Variants in SLC35F4 observed in about 807,000 individuals in gnomAD.
SLC35F4 encodes the protein chromosome 14 open reading frame 36.
In SLC35F4, 24 loss-of-function variants were observed where a neutral mutation model predicts 44.2. The ratio of observed to expected loss-of-function variants is 0.54; its 90% CI spans 0.39 to 0.76. SLC35F4 has a LOEUF of 0.76. Among genes scored for constraint, SLC35F4 ranks in the 30% least tolerant of loss-of-function variants. SLC35F4 has a pLI of 0.00. For missense variants in SLC35F4, 562 were observed against 586.1 expected (o/e 0.96, Z 0.42); for synonymous variants, 238 against 223.6 (o/e 1.06, Z -0.57).
At chr14:57,711,069 T>G (rs1191697797) in intron 1 of SLC35F4, among the ~76,000 whole-genome samples, 1 of 152,034 alleles carries the variant, frequency 6.6e-6, no homozygotes, top group Non-Finnish European at 1.5e-5. Context: ...TCATCTTGAA[T>G]TTTAGTTCCC....
In SLC35F4 at chr14:57,951,749, G is replaced by A. The variant is rs28882710; in HGVS notation, n.282+30164C>T. ...TGCCTCTCTAGATTTCTCCTTTCTC[G>A]GCAGGGCATCTCTAAAAGAAAGGCA... is the stretch of plus-strand genomic sequence containing the variant. On this transcript the variant is annotated intron_variant and non_coding_transcript_variant, in intron 1 of 1. Coordinates refer to the SLC35F4 transcript ENST00000556568. Among the ~76,000 whole-genome samples the A allele has an allele frequency of 2.2e-3, 341 of 152,232 alleles. 3 individuals carry two copies. The highest frequency in any genetic ancestry group is 7.9e-3 in the African/African-American group (329 of 41,528).
chr14:57,767,406 CAT>C (rs1488309639), intron 1 of SLC35F4, among the ~76,000 whole-genome samples: 2 of 152,070 alleles, frequency 1.3e-5, no homozygotes. Context: ...AAGAAAATGA[CAT>C]AATCTCTAAA....
chr14:57,962,806 C>G (rs1666337004), intron 1 of SLC35F4, among the ~76,000 whole-genome samples: 1 of 152,222 alleles, frequency 6.6e-6, no homozygotes, highest in Admixed American at 6.5e-5. Context: ...GCTCTCCCTC[C>G]CTGCTGCTGC....
At chr14:57,641,763 A>G (rs930077794) in intron 1 of SLC35F4, among the ~76,000 whole-genome samples, 1 of 152,050 alleles carries the variant, frequency 6.6e-6, no homozygotes, top group Non-Finnish European at 1.5e-5. Context: ...ATTACCTAGA[A>G]TACTTTGTAT....
At chr14:57,762,001 G>A (rs1236859795) in intron 1 of SLC35F4, among the ~76,000 whole-genome samples, 1 of 152,174 alleles carries the variant, frequency 6.6e-6, no homozygotes, top group Non-Finnish European at 1.5e-5. Context: ...AATTTGGGAG[G>A]TTAGAGCTAC....
intron 1 of SLC35F4, among the ~76,000 whole-genome samples, chr14:57,792,740 G>A (rs990005060): frequency 3.9e-5 from 6 of 152,046 alleles, no homozygotes. Flanking sequence ...GGACACAAAG[G>A]CATAAGAATG....
chr14:57,608,703 G>A (rs1056555116), intron 1 of SLC35F4, among the ~76,000 whole-genome samples: 2 of 148,278 alleles, frequency 1.3e-5, no homozygotes, highest in African/African-American at 2.5e-5. Flanking sequence ...GAGAACTGCA[G>A]ATAACAAGGG....
chr14:57,639,257 T>C (rs1352422070), intron 1 of SLC35F4, among the ~76,000 whole-genome samples: 3 of 152,234 alleles, frequency 2.0e-5, no homozygotes, highest in Non-Finnish European at 4.4e-5. Context: ...CACTGCCTGT[T>C]TCTTGCCCTA....
intron 1 of SLC35F4, among the ~76,000 whole-genome samples, chr14:57,735,454 C>T (rs2076439359): frequency 6.6e-6 from 1 of 152,108 alleles, no homozygotes; most frequent in Non-Finnish European, 1.5e-5. Context: ...TTGGCAGGGC[C>T]AGAAGGTTCC....
intron 1 of SLC35F4, among the ~76,000 whole-genome samples, chr14:57,935,338 AGAG>A (rs1889777417): frequency 6.6e-6 from 1 of 152,214 alleles, no homozygotes; most frequent in Non-Finnish European, 1.5e-5. Flanking sequence ...CCTAACAGTA[AGAG>A]GTTCTTTGAA....
intron 1 of SLC35F4, among the ~76,000 whole-genome samples, chr14:57,767,285 T>G (rs2077258451): frequency 6.6e-6 from 1 of 152,204 alleles, no homozygotes; most frequent in South Asian, 2.1e-4. Flanking sequence ...CAGATTTCAG[T>G]TCTTTAAATT....
rs560429531 is a variant in SLC35F4, at chr14:57,795,457, C to T, written c.103+70266G>A. Among the ~76,000 whole-genome samples, 5 of 152,212 alleles carry T rather than the reference C, an allele frequency of 3.3e-5. No individual in the cohort carries two copies. The South Asian group carries it at 8.3e-4, about 25-fold the overall frequency. On this transcript the variant is annotated intron_variant, in intron 1 of 7. Coordinates refer to ENST00000556826, the MANE Select transcript of SLC35F4 (RefSeq NM_001306087.2). ...CACCCAACAACCTAACTGAACATAT[C>T]GAAGTCATCAGAATTTCTGGCCAAC... is the stretch of plus-strand genomic sequence containing the variant.
chr14:57,865,260 G>A (rs1359484316), intron 1 of SLC35F4, among the ~76,000 whole-genome samples: 1 of 152,064 alleles, frequency 6.6e-6, no homozygotes, highest in African/African-American at 2.4e-5. Context: ...CCCACGTCTG[G>A]GTCGGCCGCC....
At position 57,669,804 on chromosome 14, in the gene SLC35F4, G is replaced by T. The variant is rs1229134542; in HGVS notation, c.104-75680C>A. On this transcript the variant is annotated intron_variant, in intron 1 of 7. Coordinates refer to ENST00000556826, the MANE Select transcript of SLC35F4 (RefSeq NM_001306087.2). ...GGTCTAAAATTCTCTTTTTTGTTGT[G>T]TCTCTGCCAGGCTTTGGTATCAGGA... 2.6e-5 allele frequency among the ~76,000 whole-genome samples: 4 copies of T among 151,998 alleles called. No individual in the cohort carries two copies. In the South Asian group the frequency reaches 8.3e-4, roughly 31 times the overall value.
chr14:57,677,837 G>C (rs1227097868), intron 1 of SLC35F4, among the ~76,000 whole-genome samples: 1 of 151,906 alleles, frequency 6.6e-6, no homozygotes, highest in Admixed American at 6.6e-5. Context: ...TGAAAAATGG[G>C]CAAGGGTCAT....
chr14:57,890,671 T>C (rs1343090867), intron 1 of SLC35F4, among the ~76,000 whole-genome samples: 2 of 152,166 alleles, frequency 1.3e-5, no homozygotes, highest in Non-Finnish European at 1.5e-5. Flanking sequence ...TATGTCTAGC[T>C]TTTGTGGATT....
intron 1 of SLC35F4, among the ~76,000 whole-genome samples, chr14:57,979,039 A>G (rs1205093758): frequency 6.6e-6 from 1 of 152,222 alleles, no homozygotes; most frequent in Non-Finnish European, 1.5e-5. Flanking sequence ...TATTGTGAAC[A>G]GACAATTGCA....
At chr14:57,752,801 C>T (rs1594963044) in intron 1 of SLC35F4, among the ~76,000 whole-genome samples, 1 of 152,280 alleles carries the variant, frequency 6.6e-6, no homozygotes, top group East Asian at 1.9e-4. Flanking sequence ...GGTCTTCACC[C>T]ATGAGGGTCT....
At chr14:57,742,114 A>G (rs971721906) in intron 1 of SLC35F4, among the ~76,000 whole-genome samples, 9 of 152,220 alleles carry the variant, frequency 5.9e-5, no homozygotes, top group African/African-American at 1.9e-4. Context: ...AGCCACTGAA[A>G]AAACATGCCA....
Sources: gnomAD v4.1 joint callset for allele counts (sites outside exome capture counted in the v4.1 genomes callset) on GRCh38, gnomAD v4.1.1 for gene constraint, MANE v1.5 for transcripts, NCBI Gene and HGNC (gene_info 2026-07-23, HGNC 2026-07-21) for gene names.